Variants in RUNX3 observed in about 807,000 individuals in gnomAD.
RUNX3 encodes the protein runt-related transcription factor 3.
In RUNX3, 10 loss-of-function variants were observed where a neutral mutation model predicts 27.7. The observed-to-expected ratio is 0.36, with a 90% confidence interval of 0.22 to 0.61. The LOEUF (loss-of-function observed/expected upper bound fraction) is 0.61, where lower values mean the gene tolerates loss of function less well. Among genes scored for constraint, RUNX3 ranks in the 20% least tolerant of loss-of-function variants. RUNX3 has a pLI of 0.72. For synonymous variants in RUNX3, 270 were observed against 269.2 expected (o/e 1.00, Z -0.03); for missense variants, 469 against 629.5 (o/e 0.75, Z 2.73).
intron 2 of RUNX3, among the ~76,000 whole-genome samples, chr1:24,950,350 T>C (rs1641726463): frequency 6.6e-6 from 1 of 152,168 alleles, no homozygotes; most frequent in Non-Finnish European, 1.5e-5. Flanking sequence ...TCCCCATGCC[T>C]GCCTCAGTGG....
intron 2 of RUNX3, among the ~76,000 whole-genome samples, chr1:24,922,894 A>G (rs1468607169): frequency 6.6e-6 from 1 of 151,430 alleles, no homozygotes; most frequent in African/African-American, 2.4e-5. Flanking sequence ...CTCACAATGC[A>G]TATGCTTTTA....
At chr1:24,952,467 C>A (rs1641790415) in intron 2 of RUNX3, among the ~76,000 whole-genome samples, 1 of 152,202 alleles carries the variant, frequency 6.6e-6, no homozygotes, top group African/African-American at 2.4e-5. Flanking sequence ...TTGAAACAAC[C>A]AATCCCAATC....
At chr1:24,915,990 G>T (rs1246558520) in intron 3 of RUNX3, among the ~76,000 whole-genome samples, 1 of 152,200 alleles carries the variant, frequency 6.6e-6, no homozygotes, top group Non-Finnish European at 1.5e-5. Flanking sequence ...CACCAAGCCA[G>T]CCTTCAAACC....
Position 24,900,271 on chromosome 1 carries a change from G to C in RUNX3, c.*1851C>G, listed in dbSNP as rs1317603073. 1.3e-5 allele frequency: 2 copies of C among 152,358 alleles called. No homozygotes were observed. The highest frequency in any genetic ancestry group is 3.8e-4 in the East Asian group (2 of 5,270). The allele number at this position is 152,358 out of a possible 1,614,324, so 9.4% of individuals were successfully genotyped here. A position where few individuals can be genotyped will look rare whatever the true frequency, so the allele number is the denominator to read the frequency against. Reference sequence around the variant, plus strand: ...AACCGCAGCAGGAGGGAATGGAATAGGATCACCAGAAGGACTGCCTAACCT... The same window carrying C: ...AACCGCAGCAGGAGGGAATGGAATACGATCACCAGAAGGACTGCCTAACCT... On this transcript the variant is annotated 3_prime_UTR_variant, in exon 5 of 5. Coordinates refer to ENST00000308873, the MANE Select transcript of RUNX3 (RefSeq NM_004350.3).
At chr1:24,945,484 T>G (rs1033956202) in intron 2 of RUNX3, among the ~76,000 whole-genome samples, 1 of 152,234 alleles carries the variant, frequency 6.6e-6, no homozygotes, top group African/African-American at 2.4e-5. Context: ...CGCTTCAATA[T>G]GCCAGACCCG....
At chr1:24,956,262 C>T (rs1455095681) in intron 2 of RUNX3, among the ~76,000 whole-genome samples, 1 of 152,254 alleles carries the variant, frequency 6.6e-6, no homozygotes, top group South Asian at 2.1e-4. Context: ...GGTGGGACTG[C>T]CTCTTCCTCT....
upstream of RUNX3, among the ~76,000 whole-genome samples, chr1:24,934,871 A>G (rs1278915801): frequency 6.6e-6 from 1 of 152,174 alleles, no homozygotes; most frequent in Non-Finnish European, 1.5e-5. Flanking sequence ...AATCCTGCTA[A>G]GCAGCCCTGG....
At chr1:24,910,915 G>C (rs1057209707) in intron 3 of RUNX3, among the ~76,000 whole-genome samples, 1 of 152,224 alleles carries the variant, frequency 6.6e-6, no homozygotes, top group Admixed American at 6.5e-5. Context: ...GGCAAGTCAC[G>C]TGAACGAGGC....
chr1:24,908,240 C>A (rs1227119677), intron 3 of RUNX3, among the ~76,000 whole-genome samples: 3 of 150,688 alleles, frequency 2.0e-5, no homozygotes, highest in Admixed American at 6.6e-5. Context: ...CTATGACACG[C>A]GGTGATCTGA....
chr1:24,908,690 A>T (rs1291497965), intron 3 of RUNX3, among the ~76,000 whole-genome samples: 1 of 152,150 alleles, frequency 6.6e-6, no homozygotes, highest in Non-Finnish European at 1.5e-5. Context: ...GAGGCAACAG[A>T]CATGAGAAAG....
In RUNX3 at chr1:24,916,198, C is replaced by T. The variant is rs180740721; in HGVS notation, c.544+3042G>A. Among the ~76,000 whole-genome samples, 98 of 152,288 alleles carry T rather than the reference C, an allele frequency of 6.4e-4. No homozygotes were observed. The highest frequency in any genetic ancestry group is 6.8e-3 in the Middle Eastern group (2 of 294). On this transcript the variant is annotated intron_variant, in intron 3 of 4. Transcript: ENST00000308873. The surrounding 1 kb of genome is among the most constrained non-coding windows in gnomAD (Gnocchi z 4.8). ...GGAGGTGGCAAAACAGGAAAAAAGC[C>T]GGGAAAGGAAGTCCAGGAGCACAAA...
intron 1 of RUNX3, chr1:24,964,706 GT>G (rs1216880932): frequency 4.6e-5 from 69 of 1,491,102 alleles, no homozygotes; most frequent in African/African-American, 1.4e-5. Context: ...GCTTTTTGTT[GT>G]TTTTTGTTTT....
chr1:24,921,228 T>C (rs1640994390), intron 2 of RUNX3, among the ~76,000 whole-genome samples: 1 of 152,196 alleles, frequency 6.6e-6, no homozygotes. Context: ...CTCACAGTTC[T>C]CTTTGCATGG....
At chr1:24,908,250 A>C (rs1447721530) in intron 3 of RUNX3, among the ~76,000 whole-genome samples, 5 of 150,266 alleles carry the variant, frequency 3.3e-5, no homozygotes, top group African/African-American at 1.3e-4. Context: ...CGGTGATCTG[A>C]ACCTCTACGA....
At position 24,943,802 on chromosome 1, in the gene RUNX3, T is replaced by A. The variant is rs1641539095; in HGVS notation, c.59-13950A>T. Among the ~76,000 whole-genome samples, 1 of 152,234 alleles carries A rather than the reference T, an allele frequency of 6.6e-6. No homozygotes were observed. Reference sequence around the variant, plus strand: ...CTCAGCCAGGACCTAGGCTCCCAGATGTTACCAACCTTAACTGACAGTTTT... The same window carrying A: ...CTCAGCCAGGACCTAGGCTCCCAGAAGTTACCAACCTTAACTGACAGTTTT... On this transcript the variant is annotated intron_variant, in intron 2 of 6. Coordinates refer to the RUNX3 transcript ENST00000338888. This position sits in a 1 kb window ranked among gnomAD's most constrained non-coding sequence, Gnocchi z 4.6.
At chr1:24,954,277 G>A (rs373337107) in intron 2 of RUNX3, among the ~76,000 whole-genome samples, 7 of 152,226 alleles carry the variant, frequency 4.6e-5, no homozygotes, top group African/African-American at 1.4e-4. Context: ...GTTCTACAAC[G>A]TAAAATGCAG....
intron 2 of RUNX3, among the ~76,000 whole-genome samples, chr1:24,944,736 G>C (rs548181963): frequency 3.6e-4 from 55 of 152,310 alleles, no homozygotes; most frequent in African/African-American, 8.9e-4. Context: ...GAAGGTGGAG[G>C]AAGGGGCTAT....
At chr1:24,919,526 A>T in intron 2 of RUNX3, 182 bp from the exon 3 acceptor site, 1 of 505,916 alleles carries the variant, frequency 2.0e-6, no homozygotes, top group Non-Finnish European at 3.5e-6. Context: ...TTGGCATTCA[A>T]GGCCCCTGGG....
intron 2 of RUNX3, among the ~76,000 whole-genome samples, chr1:24,921,685 C>T (rs1391401837): frequency 6.6e-6 from 1 of 152,236 alleles, no homozygotes; most frequent in Non-Finnish European, 1.5e-5. Context: ...TCTCCTCCAA[C>T]CAGCCCAGCA....
Sources: allele counts gnomAD v4.1 joint callset (sites outside exome capture counted in the v4.1 genomes callset), GRCh38; gene constraint gnomAD v4.1.1; non-coding constraint Gnocchi (gnomAD v3.1); transcripts MANE v1.5; gene names NCBI Gene and HGNC (gene_info 2026-07-23, HGNC 2026-07-21).